Variants in STAM observed in about 807,000 individuals in gnomAD.
The protein encoded by STAM is signal transducing adaptor molecule.
In STAM, 16 loss-of-function variants were observed where a neutral mutation model predicts 63.4. The ratio of observed to expected loss-of-function variants is 0.25; its 90% confidence interval spans 0.17 to 0.38. STAM has a LOEUF of 0.38. Among genes scored for constraint, STAM ranks in the 10% least tolerant of loss-of-function variants. STAM has a pLI of 1.00. For synonymous variants in STAM, 238 were observed against 223.9 expected (o/e 1.06, Z -0.56); for missense variants, 636 against 657.1 (o/e 0.97, Z 0.35).
intron 13 of STAM, among the ~76,000 whole-genome samples, chr10:17,710,100 G>C (rs1426126022): frequency 6.6e-6 from 1 of 151,624 alleles, no homozygotes; most frequent in East Asian, 1.9e-4. Context: ...GAAGACACTA[G>C]GGTTCCTGAC....
At chr10:17,707,076 C>T (rs570032258) in intron 12 of STAM, among the ~76,000 whole-genome samples, 1 of 151,530 alleles carries the variant, frequency 6.6e-6, no homozygotes, top group Non-Finnish European at 1.5e-5. Context: ...ACCCCCTTTT[C>T]ACAAACTCAT....
In STAM at chr10:17,715,529, A is replaced by G. The variant is rs1323446512; in HGVS notation, c.*749A>G. On this transcript the variant is annotated 3_prime_UTR_variant, in exon 14 of 14. Transcript: ENST00000377524. ...AGCAAATGATAATGTTCCCTTTTGA[A>G]CTTTTACATTTTGGCATGACATTTC... 1 of 152,610 alleles carries G rather than the reference A, an allele frequency of 6.6e-6. No homozygotes were observed. The highest frequency in any genetic ancestry group is 1.5e-5 in the Non-Finnish European group (1 of 68,014). The allele number at this position is 152,610 out of a possible 1,614,324, so 9.5% of individuals were successfully genotyped here.
chr10:17,697,205 A>T (rs1835799639), intron 8 of STAM, among the ~76,000 whole-genome samples: 1 of 152,242 alleles, frequency 6.6e-6, no homozygotes, highest in African/African-American at 2.4e-5. Context: ...GTGGGATTAC[A>T]GGCGTGAGCC....
chr10:17,654,226 A>ATTATTG (rs559918038), intron 1 of STAM, among the ~76,000 whole-genome samples: 85 of 151,570 alleles, frequency 5.6e-4, no homozygotes, highest in African/African-American at 2.0e-3. Flanking sequence ...TATTATTATT[A>ATTATTG]TTATTATTAT....
rs375533840 is a variant in STAM at position 17,714,558 on chromosome 10, C to T, written c.1401C>T (p.Ser467=). Residue 467 remains serine (S), a synonymous_variant, in exon 14 of 14, where the codon TCC becomes TCT. Coordinates refer to ENST00000377524, the MANE Select transcript of STAM (RefSeq NM_003473.4). ...TCCTCCACAGTACAATGGTCAGTTC[C>T]GTTCAAGGAAACACATATCCCAGCC... is the stretch of plus-strand genomic sequence containing the variant. ...QAAYPNTMVS[S]VQGNTYPSQA... 1.1e-5 allele frequency: 18 copies of T among 1,613,950 alleles called. No individual in the cohort carries two copies. The highest frequency in any genetic ancestry group is 2.7e-5 in the African/African-American group (2 of 74,874).
At chr10:17,676,321 A>C (rs1834854241) in intron 2 of STAM, among the ~76,000 whole-genome samples, 1 of 152,138 alleles carries the variant, frequency 6.6e-6, no homozygotes, top group Admixed American at 6.5e-5. Flanking sequence ...TGTGATAGAG[A>C]GGAGCTCCAT....
intron 2 of STAM, among the ~76,000 whole-genome samples, chr10:17,661,081 G>T (rs1176676695): frequency 3.9e-5 from 6 of 152,150 alleles, no homozygotes; most frequent in South Asian, 2.1e-4. Context: ...GAATTGAAAA[G>T]AAATTTTTTC....
Position 17,705,685 on chromosome 10 carries a change from G to A in STAM, c.1153G>A (p.Ala385Thr). The A allele has an allele frequency of 6.2e-7, 1 of 1,613,930 alleles. No homozygotes were observed. Among genetic ancestry groups the A allele is most frequent in the Non-Finnish European group, 8.5e-7 (1 of 1,179,942 alleles). The stretch of plus-strand genomic sequence containing the variant: ...CGAAGATCCGATGTATTCCATGTAT[G>A]CAAAGTTACAGAATCAGCCATATTA... ...MNEDPMYSMY[A>T]KLQNQPYYMQ... The change falls in exon 12 of 14, where the codon GCA becomes ACA. Residue 385 changes from alanine (A) to threonine (T), a missense_variant. Around this residue, in one of 3 missense-constraint regions of STAM, gnomAD observed 532 missense variants for 536.9 expected, o/e 0.99. Coordinates refer to ENST00000377524, the MANE Select transcript of STAM (RefSeq NM_003473.4).
chr10:17,679,117 T>C (rs925592031), intron 2 of STAM, among the ~76,000 whole-genome samples: 1 of 152,208 alleles, frequency 6.6e-6, no homozygotes, highest in Non-Finnish European at 1.5e-5. Context: ...TATGTGGTTA[T>C]GCTTAATTTT....
intron 5 of STAM, among the ~76,000 whole-genome samples, chr10:17,689,995 A>G (rs539613489): frequency 6.6e-6 from 1 of 152,372 alleles, no homozygotes; most frequent in South Asian, 2.1e-4. Context: ...GGAAGAATTA[A>G]TGATTGTGCC....
chr10:17,698,065 C>T (rs934171901), intron 8 of STAM, among the ~76,000 whole-genome samples: 4 of 152,126 alleles, frequency 2.6e-5, no homozygotes, highest in African/African-American at 7.2e-5. Context: ...AGATACTTCA[C>T]TTCTCTTTCA....
chr10:17,693,208 C>G lies in STAM; in HGVS notation c.445-14C>G. On this transcript the variant is annotated splice_polypyrimidine_tract_variant and intron_variant, in intron 5 of 13. Transcript: ENST00000377524. ...ATAACAACCCTCAAATACTGTGTTC[C>G]TCTTTTTTGTTAGGCTGCAGAACAA... The G allele has an allele frequency of 6.2e-7, 1 of 1,611,846 alleles. No individual in the cohort carries two copies. Among genetic ancestry groups the G allele is most frequent in the Non-Finnish European group, 8.5e-7 (1 of 1,178,844 alleles).
At chr10:17,658,618 C>T (rs551109170) in intron 1 of STAM, among the ~76,000 whole-genome samples, 59 of 152,134 alleles carry the variant, frequency 3.9e-4, no homozygotes, top group Non-Finnish European at 6.9e-4. Flanking sequence ...TTGAGTGATC[C>T]TCCTATCTCA....
intron 5 of STAM, among the ~76,000 whole-genome samples, chr10:17,690,031 A>G (rs1835463372): frequency 6.6e-6 from 1 of 152,240 alleles, no homozygotes; most frequent in South Asian, 2.1e-4. Context: ...TGGTTAATCT[A>G]GAATCTTAGC....
intron 4 of STAM, among the ~76,000 whole-genome samples, chr10:17,687,033 C>G (rs1021892718): frequency 6.6e-6 from 1 of 152,090 alleles, no homozygotes; most frequent in African/African-American, 2.4e-5. Context: ...ATGAACTGGC[C>G]AGGTTTTTTC....
chr10:17,705,855 AC>A, intron 12 of STAM, 114 bp downstream of exon 12: 2 of 973,846 alleles, frequency 2.1e-6, no homozygotes, highest in Non-Finnish European at 3.0e-6. Context: ...ATTGCTTGAG[AC>A]CAGGAGTTTA....
Position 17,715,072 on chromosome 10 carries a change from A to G in STAM, c.*292A>G. 1 of 395,892 alleles carries G rather than the reference A, an allele frequency of 2.5e-6. No homozygotes were observed. Among genetic ancestry groups the G allele is most frequent in the South Asian group, 2.6e-5 (1 of 38,348 alleles). The allele number at this position is 395,892 out of a possible 1,614,324, so 24.5% of individuals were successfully genotyped here. ...TCGTAAACCTGGTCTGCAGAAAGTC[A>G]AACTTACAAAAACTGTTGTGACAAA... On this transcript the variant is annotated 3_prime_UTR_variant, in exon 14 of 14. Coordinates refer to ENST00000377524, the MANE Select transcript of STAM (RefSeq NM_003473.4).
intron 12 of STAM, among the ~76,000 whole-genome samples, chr10:17,706,271 G>T (rs1836265090): frequency 6.6e-6 from 1 of 150,400 alleles, no homozygotes; most frequent in Admixed American, 6.6e-5. Flanking sequence ...TTTATACAGG[G>T]TTATGCAGCA....
intron 1 of STAM, among the ~76,000 whole-genome samples, chr10:17,649,362 T>C (rs1473761838): frequency 2.0e-5 from 3 of 151,046 alleles, no homozygotes; most frequent in African/African-American, 7.3e-5. Flanking sequence ...GACTGCACTC[T>C]TGCCTGGGCA....
Sources: gnomAD v4.1 joint callset for allele counts (sites outside exome capture counted in the v4.1 genomes callset) on GRCh38, gnomAD v4.1.1 for gene constraint, gnomAD v4.1.1 regional missense constraint, MANE v1.5 for transcripts, NCBI Gene and HGNC (gene_info 2026-07-23, HGNC 2026-07-21) for gene names.